The following JARID2 variants were observed in gnomAD, a reference collection of about 807,000 sequenced individuals.
The protein encoded by JARID2 is jumonji and AT-rich interaction domain containing 2.
In JARID2, 21 loss-of-function variants were observed where a neutral mutation model predicts 125.6. The observed-to-expected ratio is 0.17, with a 90% CI of 0.12 to 0.24. The LOEUF is 0.24. JARID2 is among the 10% of genes least tolerant of loss of function. The pLI, the probability that JARID2 is intolerant of heterozygous loss-of-function variation, is 1.00. For synonymous variants in JARID2, 736 were observed against 661.6 expected (o/e 1.11, Z -1.73); for missense variants, 1,303 against 1,639.6 (o/e 0.79, Z 3.55).
At chr6:15,494,923 A>C (rs546298878) in intron 6 of JARID2, among the ~76,000 whole-genome samples, 6 of 152,212 alleles carry the variant, frequency 3.9e-5, no homozygotes, top group Non-Finnish European at 7.4e-5. Context: ...CGACCCTGGC[A>C]CCTTCCTCTC....
intron 1 of JARID2, among the ~76,000 whole-genome samples, chr6:15,364,413 A>C (rs578107790): frequency 1.5e-3 from 229 of 152,298 alleles, no homozygotes; most frequent in African/African-American, 5.3e-3. Flanking sequence ...TCCTTAGAAA[A>C]GGATTTGAAG....
chr6:15,487,557 G>A lies in JARID2; in HGVS notation c.906+15G>A, dbSNP rs1436181909. ...TACGGAAACAGGTAAAGTCCAGCAG[G>A]GGTGCCTACATGTGTGCCAGACCCC... On this transcript the variant is annotated intron_variant, in intron 6 of 17. Transcript: ENST00000341776. The A allele has an allele frequency of 6.3e-7, 1 of 1,580,370 alleles. No individual in the cohort carries two copies. Among genetic ancestry groups the A allele is most frequent in the African/African-American group, 1.3e-5 (1 of 74,102 alleles).
intron 1 of JARID2, among the ~76,000 whole-genome samples, chr6:15,296,385 T>C (rs910140633): frequency 3.9e-5 from 6 of 152,204 alleles, no homozygotes; most frequent in African/African-American, 1.4e-4. Flanking sequence ...GCATTTATCT[T>C]CCTTCATACT....
At chr6:15,378,979 G>A (rs1581477523) in intron 2 of JARID2, among the ~76,000 whole-genome samples, 1 of 152,282 alleles carries the variant, frequency 6.6e-6, no homozygotes, top group African/African-American at 2.4e-5. Flanking sequence ...GGTATCTGAT[G>A]CCTGGGAACA....
intron 1 of JARID2, among the ~76,000 whole-genome samples, chr6:15,370,794 G>A (rs1199873823): frequency 6.6e-6 from 1 of 152,178 alleles, no homozygotes; most frequent in African/African-American, 2.4e-5. Context: ...CACCTTTGCT[G>A]TCTGCATCTG....
chr6:15,364,139 A>G (rs1763892705), intron 1 of JARID2, among the ~76,000 whole-genome samples: 5 of 151,592 alleles, frequency 3.3e-5, no homozygotes, highest in Admixed American at 3.3e-4. Flanking sequence ...TGTTCAACCA[A>G]AAAAGCCAGC....
chr6:15,263,914 A>T (rs972128932), intron 1 of JARID2, among the ~76,000 whole-genome samples: 3 of 152,080 alleles, frequency 2.0e-5, no homozygotes, highest in Admixed American at 2.0e-4. Flanking sequence ...TTTTTTAGAT[A>T]CAGGGTGTCG....
At chr6:15,322,048 G>A (rs1247005617) in intron 1 of JARID2, among the ~76,000 whole-genome samples, 2 of 152,068 alleles carry the variant, frequency 1.3e-5, no homozygotes, top group Non-Finnish European at 2.9e-5. Flanking sequence ...GCCTCCCAAA[G>A]TGCTGTAATT....
intron 16 of JARID2, among the ~76,000 whole-genome samples, chr6:15,513,634 G>T (rs967714084): frequency 6.6e-6 from 1 of 152,234 alleles, no homozygotes; most frequent in African/African-American, 2.4e-5. Flanking sequence ...CTGTCCCTCT[G>T]TTCTGCCCAC....
At chr6:15,381,583 C>G (rs1764590959) in intron 2 of JARID2, among the ~76,000 whole-genome samples, 1 of 152,108 alleles carries the variant, frequency 6.6e-6, no homozygotes, top group African/African-American at 2.4e-5. Context: ...TTGTTGAAAA[C>G]AACTTATTTT....
chr6:15,465,311 G>T (rs773740755), intron 4 of JARID2, among the ~76,000 whole-genome samples: 1 of 152,098 alleles, frequency 6.6e-6, no homozygotes, highest in African/African-American at 2.4e-5. Flanking sequence ...AAATTATCTG[G>T]GTTTGGTGGT....
intron 1 of JARID2, among the ~76,000 whole-genome samples, chr6:15,367,214 T>A (rs996781332): frequency 6.6e-6 from 1 of 152,230 alleles, no homozygotes; most frequent in Non-Finnish European, 1.5e-5. Context: ...TTTAAATAGA[T>A]GTAATTGTCA....
intron 5 of JARID2, 32 bp from the exon 6 acceptor site, chr6:15,487,275 G>C: frequency 6.3e-7 from 1 of 1,581,982 alleles, no homozygotes; most frequent in Non-Finnish European, 8.7e-7. Context: ...TCAAGGTAGT[G>C]ATTTCATTCT....
rs1049123712 is a variant in JARID2 at position 15,283,301 on chromosome 6, C to A, written c.45+36717C>A. Among the ~76,000 whole-genome samples the A allele has an allele frequency of 1.4e-5, 2 of 139,964 alleles. 1 individual carries two copies. The highest frequency in any genetic ancestry group is 5.4e-5 in the African/African-American group (2 of 36,938). 91.8% of individuals were successfully genotyped at this position (139,964 alleles called of 152,430 possible). On this transcript the variant is annotated intron_variant, in intron 1 of 17. Transcript: ENST00000341776. ...CCGTTCTGGTATTTATTGAATATGT[C>A]GCAAATATTGTCTCCTAGTCTGTCC... is the stretch of plus-strand genomic sequence containing the variant.
chr6:15,337,773 AACGAAGGAACG>A, intron 1 of JARID2, among the ~76,000 whole-genome samples: 1 of 151,178 alleles, frequency 6.6e-6, no homozygotes, highest in Non-Finnish European at 1.5e-5. Context: ...TAGGGAAGTT[AACGAAGGAACG>A]GCCCCTGCTG....
At chr6:15,513,476 C>T (rs1302097425) in intron 16 of JARID2, 54 bp downstream of exon 16, 2 of 1,507,780 alleles carry the variant, frequency 1.3e-6, no homozygotes, top group East Asian at 4.6e-5. Flanking sequence ...GGCCTGAGAG[C>T]TCCGGGGTTG....
chr6:15,411,716 T>A (rs537376295), intron 3 of JARID2, among the ~76,000 whole-genome samples: 103 of 152,346 alleles, frequency 6.8e-4, no homozygotes, highest in Non-Finnish European at 1.1e-3. Flanking sequence ...TGTGATAATA[T>A]TATCCATGCC....
intron 1 of JARID2, among the ~76,000 whole-genome samples, chr6:15,364,132 T>C (rs1763892021): frequency 6.6e-6 from 1 of 151,854 alleles, no homozygotes; most frequent in South Asian, 2.1e-4. Context: ...TAGTTATTGT[T>C]CAACCAAAAA....
chr6:15,513,762 T>G (rs1022057023), intron 16 of JARID2, among the ~76,000 whole-genome samples: 6 of 152,266 alleles, frequency 3.9e-5, no homozygotes, highest in African/African-American at 1.4e-4. Flanking sequence ...CCATTCTTTC[T>G]GAGGCAGTGA....
Sources: gnomAD v4.1 joint callset for allele counts (sites outside exome capture counted in the v4.1 genomes callset) on GRCh38, gnomAD v4.1.1 for gene constraint, MANE v1.5 for transcripts, NCBI Gene and HGNC (gene_info 2026-07-23, HGNC 2026-07-21) for gene names.